SDCCAG8: variants seen among roughly 807,000 people sequenced by gnomAD.
The protein encoded by SDCCAG8 is SHH signaling and ciliogenesis regulator SDCCAG8.
A neutral mutation model predicts 101.8 loss-of-function variants in SDCCAG8; 74 were observed. The observed-to-expected ratio is 0.73, with a 90% CI of 0.60 to 0.88. SDCCAG8 has a LOEUF of 0.88. Ranked by LOEUF, SDCCAG8 falls within the 40% of genes least tolerant of loss-of-function variation. The pLI is 0.00. For synonymous variants in SDCCAG8, 281 were observed against 292.9 expected, an observed-to-expected ratio of 0.96 and a Z score of 0.41; for missense variants, 787 against 822.6, an observed-to-expected ratio of 0.96 and a Z score of 0.53.
At chr1:243,300,574 C>T (rs1023239217) in intron 6 of SDCCAG8, among the ~76,000 whole-genome samples, 2 of 152,144 alleles carry the variant, frequency 1.3e-5, no homozygotes, top group African/African-American at 4.8e-5. Flanking sequence ...TTGTGGCCCA[C>T]CTTTACCTAT....
chr1:243,425,071 C>G lies in SDCCAG8; in HGVS notation c.1854-1356C>G, dbSNP rs78516812. On this transcript the variant is annotated intron_variant, in intron 15 of 17. Transcript: ENST00000366541. ...GGAGAAACGTAAGTCATTATTAACT[C>G]CTTTCGGACTATTTCAAATATGGGT... is the stretch of plus-strand genomic sequence containing the variant. 1.9e-4 allele frequency among the ~76,000 whole-genome samples: 29 copies of G among 152,134 alleles called. No homozygotes were observed. In the East Asian group the frequency reaches 4.2e-3, roughly 22 times the overall value.
intron 12 of SDCCAG8, among the ~76,000 whole-genome samples, chr1:243,351,744 C>T (rs1390972871): frequency 6.6e-6 from 1 of 152,156 alleles, no homozygotes; most frequent in Non-Finnish European, 1.5e-5. Context: ...TTGGATTATA[C>T]AAATAATTTA....
intron 14 of SDCCAG8, 133 bp downstream of exon 14, chr1:243,415,962 T>A: frequency 2.0e-6 from 2 of 1,017,356 alleles, no homozygotes; most frequent in Non-Finnish European, 2.9e-6. Flanking sequence ...ACACCGGAGA[T>A]TCCGAATTAC....
At chr1:243,260,617 G>T (rs775599003) in intron 1 of SDCCAG8, among the ~76,000 whole-genome samples, 1 of 152,144 alleles carries the variant, frequency 6.6e-6, no homozygotes, top group Non-Finnish European at 1.5e-5. Context: ...ACAGAATCAT[G>T]TCTCATCTCT....
chr1:243,453,183 G>A (rs1221181006), intron 16 of SDCCAG8, among the ~76,000 whole-genome samples: 1 of 152,160 alleles, frequency 6.6e-6, no homozygotes, highest in African/African-American at 2.4e-5. Flanking sequence ...AGGACTTTGG[G>A]AATTCAGACT....
Position 243,268,419 on chromosome 1 carries a change from C to G in SDCCAG8, c.68-1686C>G, listed in dbSNP as rs74444656. On this transcript the variant is annotated intron_variant, in intron 1 of 17. Transcript: ENST00000366541. ...TCCCAAAACCAGGAATGCGTCTTAT[C>G]TGAACTTCCTTAAACTCATGATGAG... is the stretch of plus-strand genomic sequence containing the variant. Among the ~76,000 whole-genome samples, 1,020 of 152,310 alleles carry G rather than the reference C, an allele frequency of 6.7e-3. 11 individuals are homozygous for G. The highest frequency in any genetic ancestry group is 0.024 in the African/African-American group (983 of 41,556).
intron 17 of SDCCAG8, among the ~76,000 whole-genome samples, chr1:243,494,354 C>G (rs1211291856): frequency 6.6e-6 from 1 of 152,156 alleles, no homozygotes; most frequent in African/African-American, 2.4e-5. Flanking sequence ...AAACTGTGTA[C>G]AAGACACTGT....
Position 243,483,008 on chromosome 1 carries a change from C to T in SDCCAG8, c.1986-6006C>T, listed in dbSNP as rs189580874. On this transcript the variant is annotated intron_variant, in intron 16 of 17. Transcript: ENST00000366541. ...CCGCGGGCCCCATGATGGCAAACCC[C>T]CTCGCCCCGTTCATGACTTAATGCC... Among the ~76,000 whole-genome samples, 550 of 152,290 alleles carry T rather than the reference C, an allele frequency of 3.6e-3. 3 individuals carry two copies. The highest frequency in any genetic ancestry group is 5.0e-3 in the Non-Finnish European group (340 of 68,024).
intron 4 of SDCCAG8, among the ~76,000 whole-genome samples, chr1:243,285,506 G>C (rs1299708642): frequency 6.6e-6 from 1 of 152,080 alleles, no homozygotes; most frequent in Non-Finnish European, 1.5e-5. Context: ...TTATAGCTTT[G>C]GGTTTTTAAA....
chr1:243,421,336 G>A (rs1399311176), intron 15 of SDCCAG8, among the ~76,000 whole-genome samples: 1 of 152,156 alleles, frequency 6.6e-6, no homozygotes, highest in Non-Finnish European at 1.5e-5. Context: ...CAGAATGACG[G>A]GAAAGCTGAG....
At chr1:243,311,767 TAA>T (rs11311919) in intron 8 of SDCCAG8, among the ~76,000 whole-genome samples, 1 of 148,380 alleles carries the variant, frequency 6.7e-6, no homozygotes, top group Non-Finnish European at 1.5e-5. Context: ...ATTTAAAAAT[TAA>T]AAAAAAAAAC....
At chr1:243,434,076 A>G (rs574064193) in intron 16 of SDCCAG8, among the ~76,000 whole-genome samples, 8 of 152,314 alleles carry the variant, frequency 5.3e-5, no homozygotes, top group African/African-American at 1.7e-4. Flanking sequence ...CTTGCTTTTA[A>G]TTATAAATTG....
intron 16 of SDCCAG8, among the ~76,000 whole-genome samples, chr1:243,484,904 T>C (rs1454410882): frequency 6.6e-6 from 1 of 151,440 alleles, no homozygotes; most frequent in Non-Finnish European, 1.5e-5. Context: ...ATTAGACAGG[T>C]GTGGTGGTGC....
intron 13 of SDCCAG8, among the ~76,000 whole-genome samples, chr1:243,380,234 A>T (rs1172257049): frequency 6.6e-6 from 1 of 152,244 alleles, no homozygotes; most frequent in African/African-American, 2.4e-5. Context: ...GCTCATTTAA[A>T]CTATTGTCAT....
chr1:243,393,602 C>A (rs564192767), intron 13 of SDCCAG8, among the ~76,000 whole-genome samples: 1 of 152,052 alleles, frequency 6.6e-6, no homozygotes, highest in Non-Finnish European at 1.5e-5. Context: ...CTGAATTTGT[C>A]CTGTGAGTTT....
chr1:243,494,733 A>G (rs894212959), intron 17 of SDCCAG8, among the ~76,000 whole-genome samples: 4 of 152,238 alleles, frequency 2.6e-5, no homozygotes, highest in Non-Finnish European at 5.9e-5. Context: ...CATTCACTCT[A>G]CTTATTGCTT....
chr1:243,284,690 G>A (rs1439977568), intron 4 of SDCCAG8, among the ~76,000 whole-genome samples: 4 of 152,140 alleles, frequency 2.6e-5, no homozygotes. Flanking sequence ...GTTAGGCTCT[G>A]GTAAAGTCGT....
intron 15 of SDCCAG8, among the ~76,000 whole-genome samples, chr1:243,426,114 A>G (rs1354582077): frequency 1.3e-5 from 2 of 152,238 alleles, no homozygotes; most frequent in Admixed American, 6.5e-5. Flanking sequence ...GGCCTATAAC[A>G]AGCACTCAGT....
intron 16 of SDCCAG8, among the ~76,000 whole-genome samples, chr1:243,465,610 C>T (rs138877882): frequency 3.0e-4 from 45 of 152,264 alleles, no homozygotes; most frequent in African/African-American, 6.5e-4. Context: ...GCCTCTGTTT[C>T]GGCTTAACCT....
Sources: gnomAD v4.1 joint callset for allele counts (sites outside exome capture counted in the v4.1 genomes callset) on GRCh38, gnomAD v4.1.1 for gene constraint, MANE v1.5 for transcripts, NCBI Gene and HGNC (gene_info 2026-07-23, HGNC 2026-07-21) for gene names.